The following ARFGAP3 variants were observed in gnomAD, a reference collection of about 807,000 sequenced individuals.
ARFGAP3 encodes the protein ADP-ribosylation factor GTPase-activating protein 3.
A neutral mutation model predicts 75.0 loss-of-function variants in ARFGAP3; 72 were observed. That is an observed-to-expected ratio of 0.96 (90% confidence interval 0.79 to 1.17). The LOEUF is 1.17. Among genes scored for constraint, ARFGAP3 ranks in the 50% most tolerant of loss-of-function variants. ARFGAP3 has a pLI of 0.00. For missense variants in ARFGAP3, 620 were observed against 626.6 expected (o/e 0.99, Z 0.11); for synonymous variants, 221 against 217.9 (o/e 1.01, Z -0.13).
chr22:42,850,102 T>C (rs190259428), intron 1 of ARFGAP3, among the ~76,000 whole-genome samples: 5 of 152,210 alleles, frequency 3.3e-5, no homozygotes, highest in African/African-American at 7.2e-5. Flanking sequence ...AGCATAAAAG[T>C]ACTTTAAAAT....
intron 1 of ARFGAP3, among the ~76,000 whole-genome samples, chr22:42,852,742 C>T (rs1006003525): frequency 6.6e-6 from 1 of 152,000 alleles, no homozygotes; most frequent in South Asian, 2.1e-4. Flanking sequence ...TCTTGATCTC[C>T]ATTTTATTTA....
At chr22:42,827,931 T>C (rs1026100535) in intron 6 of ARFGAP3, among the ~76,000 whole-genome samples, 1 of 152,226 alleles carries the variant, frequency 6.6e-6, no homozygotes, top group East Asian at 1.9e-4. Context: ...AGGCGTGAGC[T>C]ACCGCGCCCA....
chr22:42,834,853 T>C (rs1476529834), intron 4 of ARFGAP3, among the ~76,000 whole-genome samples: 1 of 152,254 alleles, frequency 6.6e-6, no homozygotes, highest in East Asian at 1.9e-4. Context: ...ATGTTCTTCA[T>C]ATTCCCATGC....
intron 11 of ARFGAP3, among the ~76,000 whole-genome samples, chr22:42,813,513 C>T (rs184148456): frequency 2.6e-5 from 4 of 152,298 alleles, no homozygotes; most frequent in Admixed American, 1.3e-4. Context: ...AGCCAATGTA[C>T]TTATCCTGAA....
At chr22:42,819,688 G>A (rs1925729387) in intron 9 of ARFGAP3, among the ~76,000 whole-genome samples, 1 of 152,174 alleles carries the variant, frequency 6.6e-6, no homozygotes, top group South Asian at 2.1e-4. Context: ...AGACCAGGAT[G>A]CTGCATGGGC....
chr22:42,825,868 T>C (rs1235331468), intron 7 of ARFGAP3, among the ~76,000 whole-genome samples: 1 of 152,148 alleles, frequency 6.6e-6, no homozygotes, highest in African/African-American at 2.4e-5. Flanking sequence ...AAGTCTTAAT[T>C]TTTTCATATA....
At chr22:42,822,760 A>G (rs961447044) in intron 8 of ARFGAP3, among the ~76,000 whole-genome samples, 3 of 152,066 alleles carry the variant, frequency 2.0e-5, no homozygotes, top group African/African-American at 7.2e-5. Flanking sequence ...ATAGTTACTA[A>G]TTCTGTGTTT....
chr22:42,838,693 T>C (rs1926645776), intron 3 of ARFGAP3, among the ~76,000 whole-genome samples: 1 of 152,222 alleles, frequency 6.6e-6, no homozygotes, highest in African/African-American at 2.4e-5. Context: ...TACACCATTT[T>C]GGCCTGATAA....
At chr22:42,847,753 G>A (rs1927083402) in intron 1 of ARFGAP3, 121 bp from the exon 2 acceptor site, 1 of 1,203,930 alleles carries the variant, frequency 8.3e-7, no homozygotes. Flanking sequence ...CTTTGGGATT[G>A]TATTATTAGA....
chr22:42,801,377 C>T (rs1569131855), intron 14 of ARFGAP3, among the ~76,000 whole-genome samples: 1 of 152,188 alleles, frequency 6.6e-6, no homozygotes, highest in Non-Finnish European at 1.5e-5. Flanking sequence ...TCAGGACAGG[C>T]CAGGTGACTC....
At chr22:42,823,908 C>A (rs536970454) in intron 7 of ARFGAP3, 2 of 274,406 alleles carry the variant, frequency 7.3e-6, no homozygotes, top group Non-Finnish European at 1.1e-5. Flanking sequence ...AGTATTTCCA[C>A]GCAGTCTCCA....
rs139702766 is a variant in ARFGAP3 at position 42,817,802 on chromosome 22, C to T, written c.868G>A (p.Glu290Lys). Residue 290 changes from glutamate to lysine, a missense_variant, in exon 10 of 16, where the codon GAA (glutamate) becomes AAA (lysine). Physicochemically the swap from Glu to Lys is moderately conservative, Grantham distance 56 (BLOSUM62 1). Transcript: ENST00000263245. ...KDLEIQMKKD[E>K]KMNISGKKNV... ...TTTTTGCCACTAATGTTCATCTTTT[C>T]GTCTTTCTTCATTTGAATTTCAAGA... 8.9e-5 allele frequency: 144 copies of T among 1,613,134 alleles called. No homozygotes were observed. The highest frequency in any genetic ancestry group is 1.8e-4 in the South Asian group (16 of 91,032).
chr22:42,817,889 G>A (rs775189397), intron 9 of ARFGAP3, 32 bp from the exon 10 acceptor site: 20 of 1,525,772 alleles, frequency 1.3e-5, no homozygotes, highest in Non-Finnish European at 1.8e-5. Context: ...CCTTAATTTA[G>A]CTTTAATCCT....
intron 14 of ARFGAP3, 123 bp from the exon 15 acceptor site, chr22:42,799,283 G>T (rs1046076322): frequency 2.2e-4 from 330 of 1,505,756 alleles, no homozygotes; most frequent in Non-Finnish European, 2.8e-4. Flanking sequence ...GCCTCACAAG[G>T]GGCCCAACAG....
intron 6 of ARFGAP3, among the ~76,000 whole-genome samples, chr22:42,829,964 T>G (rs1348680469): frequency 6.6e-6 from 1 of 152,230 alleles, no homozygotes; most frequent in African/African-American, 2.4e-5. Flanking sequence ...AACCCATTGT[T>G]ACCTAGGATA....
At chr22:42,812,185 A>C (rs113338745) in intron 11 of ARFGAP3, among the ~76,000 whole-genome samples, 6 of 140,010 alleles carry the variant, frequency 4.3e-5, no homozygotes, top group African/African-American at 1.6e-4. Flanking sequence ...TGATCATGCC[A>C]CTACACTCCA....
In ARFGAP3 at chr22:42,840,990, G is replaced by T. The variant is rs1231930843; in HGVS notation, c.215C>A (p.Ser72Ter). 2 of 1,613,990 alleles carry T rather than the reference G, an allele frequency of 1.2e-6. No homozygotes were observed. Among genetic ancestry groups the T allele is most frequent in the African/African-American group, 1.3e-5 (1 of 74,934 alleles). ...TTGCATGCATCGCAACTGAAACCAT[G>T]ACCAGTTGGAATCCAACTCTGTAGA... The part of the protein sequence containing the change: ...IRSTELDSNW[S>*]WFQLRCMQVG... Residue 72 changes from serine to a stop codon, truncating the protein, a stop_gained, in exon 3 of 16, where the codon TCA becomes TAA. Transcript: ENST00000263245. LOFTEE classifies it high-confidence loss of function.
chr22:42,819,325 T>C (rs1207254262), intron 9 of ARFGAP3, among the ~76,000 whole-genome samples: 1 of 152,166 alleles, frequency 6.6e-6, no homozygotes, highest in African/African-American at 2.4e-5. Flanking sequence ...TACATATAAT[T>C]ACAGCAACAG....
intron 3 of ARFGAP3, among the ~76,000 whole-genome samples, chr22:42,840,282 G>A (rs1420407126): frequency 1.3e-5 from 2 of 152,052 alleles, no homozygotes; most frequent in South Asian, 2.1e-4. Context: ...GCTAGCCAAC[G>A]CTTCCTGTTT....
Sources: gnomAD v4.1 joint callset for allele counts (sites outside exome capture counted in the v4.1 genomes callset) on GRCh38, gnomAD v4.1.1 for gene constraint, MANE v1.5 for transcripts, NCBI Gene and HGNC (gene_info 2026-07-23, HGNC 2026-07-21) for gene names.